Variants in HVCN1 observed in about 807,000 individuals in gnomAD.
The protein encoded by HVCN1 is voltage-gated hydrogen channel 1.
A neutral mutation model predicts 29.2 loss-of-function variants in HVCN1; 14 were observed. The observed-to-expected ratio is 0.48, with a 90% CI of 0.32 to 0.75. The LOEUF is 0.75. Among genes scored for constraint, HVCN1 ranks in the 30% least tolerant of loss-of-function variants. The pLI is 0.04. For synonymous variants in HVCN1, 131 were observed against 133.2 expected (o/e 0.98, Z 0.11); for missense variants, 263 against 341.8 (o/e 0.77, Z 1.82).
rs1346970311 is a variant in HVCN1, at chr12:110,648,856, ATGT to A, written c.*551_*553del. ...GTAGTTGTACAGTAATTGAGGAAAA[ATGT>A]TGTCAGGTGGCAGAAAACAATGGAG... is the stretch of plus-strand genomic sequence containing the variant. On this transcript the variant is annotated 3_prime_UTR_variant, in exon 8 of 8. Coordinates refer to ENST00000242607, the MANE Select transcript of HVCN1 (RefSeq NM_032369.4). 3.2e-5 allele frequency: 12 copies of A among 373,066 alleles called. No individual in the cohort carries two copies. The highest frequency in any genetic ancestry group is 2.4e-4 in the African/African-American group (11 of 46,460). 23.1% of individuals were successfully genotyped at this position (373,066 alleles called of 1,614,324 possible).
At chr12:110,673,831 C>A (rs2068659736) in intron 3 of HVCN1, among the ~76,000 whole-genome samples, 1 of 152,196 alleles carries the variant, frequency 6.6e-6, no homozygotes, top group Non-Finnish European at 1.5e-5. Flanking sequence ...AATGCCCAGC[C>A]AAAAGTTTGC....
At chr12:110,690,000 G>T (rs146938805), upstream of HVCN1, among the ~76,000 whole-genome samples, 339 of 152,300 alleles carry the variant, frequency 2.2e-3, 2 homozygotes, top group African/African-American at 7.7e-3. This position sits in a 1 kb window ranked among gnomAD's most constrained non-coding sequence, Gnocchi z 5.7. Flanking sequence ...TCCTCATGCC[G>T]CTGTTAACAG....
chr12:110,689,452 G>A (rs1049510622), upstream of HVCN1: 3 of 152,206 alleles, frequency 2.0e-5, no homozygotes, highest in Non-Finnish European at 4.4e-5. This position sits in a 1 kb window ranked among gnomAD's most constrained non-coding sequence, Gnocchi z 5.7. Context: ...GGTGGGCGGG[G>A]GAACCACTTC....
intron 4 of HVCN1, among the ~76,000 whole-genome samples, chr12:110,655,931 C>T (rs920044596): frequency 6.6e-6 from 1 of 152,152 alleles, no homozygotes; most frequent in African/African-American, 2.4e-5. Context: ...TCTCGAGCTC[C>T]TAACCCCAAG....
At chr12:110,697,791 A>G (rs2069516326) in intron 2 of HVCN1, among the ~76,000 whole-genome samples, 1 of 151,656 alleles carries the variant, frequency 6.6e-6, no homozygotes. Context: ...ACCTGGGATT[A>G]CAGGTGCACA....
upstream of HVCN1, chr12:110,689,322 C>T (rs1256504322): frequency 6.6e-6 from 1 of 152,538 alleles, no homozygotes; most frequent in Non-Finnish European, 1.5e-5. The surrounding 1 kb of genome is among the most constrained non-coding windows in gnomAD (Gnocchi z 5.7). Flanking sequence ...CTCCCTCACC[C>T]CGGCTGCCTC....
chr12:110,691,224 G>A (rs967241727), upstream of HVCN1, among the ~76,000 whole-genome samples: 4 of 151,876 alleles, frequency 2.6e-5, no homozygotes, highest in African/African-American at 4.8e-5. Flanking sequence ...CACCACGCTC[G>A]GTTAAATGTT....
chr12:110,666,053 G>T (rs1179156056), intron 3 of HVCN1, among the ~76,000 whole-genome samples: 1 of 151,412 alleles, frequency 6.6e-6, no homozygotes, highest in Non-Finnish European at 1.5e-5. Context: ...GGATATTTTA[G>T]AACTGAAAAG....
chr12:110,681,930 G>A (rs2068993310), intron 3 of HVCN1, among the ~76,000 whole-genome samples: 1 of 152,038 alleles, frequency 6.6e-6, no homozygotes, highest in African/African-American at 2.4e-5. Context: ...TACTCGAGAT[G>A]GCCATAAGGT....
At chr12:110,668,544 C>G (rs575067615) in intron 3 of HVCN1, among the ~76,000 whole-genome samples, 1 of 152,296 alleles carries the variant, frequency 6.6e-6, no homozygotes, top group South Asian at 2.1e-4. Context: ...TCTCCTCCAG[C>G]TTCATCACCA....
chr12:110,665,169 A>G (rs1298011127), intron 3 of HVCN1, among the ~76,000 whole-genome samples: 1 of 152,230 alleles, frequency 6.6e-6, no homozygotes, highest in Non-Finnish European at 1.5e-5. Context: ...TAAACTCAAC[A>G]TCATAGATGC....
At chr12:110,657,459 C>T (rs756264767) in intron 4 of HVCN1, among the ~76,000 whole-genome samples, 6 of 147,226 alleles carry the variant, frequency 4.1e-5, no homozygotes, top group Non-Finnish European at 8.9e-5. Context: ...CGCACCATTG[C>T]AGTCCAGCTT....
chr12:110,666,722 C>T (rs556522368), intron 3 of HVCN1, among the ~76,000 whole-genome samples: 2 of 152,240 alleles, frequency 1.3e-5, no homozygotes, highest in African/African-American at 2.4e-5. Context: ...CTCCCCAATC[C>T]GAGCTTCGCT....
chr12:110,663,805 C>G (rs2068258899), intron 3 of HVCN1, among the ~76,000 whole-genome samples: 1 of 152,060 alleles, frequency 6.6e-6, no homozygotes. Flanking sequence ...TCAAATGCTT[C>G]CTTCATTGGC....
rs375405521 is a variant in HVCN1 at position 110,688,549 on chromosome 12, C to T, written c.-20+76G>A. The stretch of plus-strand genomic sequence containing the variant: ...CGGGACATCCAGCACTGCCTCTGCC[C>T]CTGCTTCTCTCCTACAATCTCCCGG... On this transcript the variant is annotated intron_variant, in intron 2 of 7. Coordinates refer to ENST00000242607, the MANE Select transcript of HVCN1 (RefSeq NM_032369.4). 4.1e-4 allele frequency: 62 copies of T among 152,436 alleles called. 1 individual carries two copies. The highest frequency in any genetic ancestry group is 1.4e-3 in the African/African-American group (60 of 41,570). 9.4% of individuals were successfully genotyped at this position (152,436 alleles called of 1,614,324 possible). A position where few individuals can be genotyped will look rare whatever the true frequency, so the allele number is the denominator to read the frequency against.
rs148683009 is a variant in HVCN1, at chr12:110,677,247, C to T, written c.21+5978G>A. Among the ~76,000 whole-genome samples the T allele has an allele frequency of 4.9e-4, 75 of 152,108 alleles. No homozygotes were observed. The East Asian group carries it at 0.013, about 26-fold the overall frequency. ...ATCAATGCCTCCCAGAAGCCCACTC[C>T]TGTTTTGCACGCTCTATCTAGCCTC... On this transcript the variant is annotated intron_variant, in intron 3 of 7. Transcript: ENST00000242607.
chr12:110,695,371 T>TAC (rs59165683), intron 2 of HVCN1, among the ~76,000 whole-genome samples: 30,565 of 147,934 alleles, frequency 0.21, 3,278 homozygotes, highest in Admixed American at 0.28. Flanking sequence ...TTATTTTGTG[T>TAC]ACACACACAC....
chr12:110,661,326 T>C lies in HVCN1; in HGVS notation c.144A>G (p.Glu48=), dbSNP rs777361848. Residue 48 remains glutamate, a synonymous_variant, in exon 4 of 8, where the codon GAA becomes GAG. Transcript: ENST00000242607. This position sits in a 1 kb window ranked among gnomAD's most constrained non-coding sequence, Gnocchi z 6.2. ...WNINYKKWEN[E]EEEEEEEQPP... is the part of the protein sequence containing the mutation. Reference sequence around the variant, plus strand: ...GCTGCTCCTCCTCCTCCTCCTCCTCTTCATTCTCCCATTTCTTGTAGTTGA... The same window carrying C: ...GCTGCTCCTCCTCCTCCTCCTCCTCCTCATTCTCCCATTTCTTGTAGTTGA... 5 of 1,614,178 alleles carry C rather than the reference T, an allele frequency of 3.1e-6. No homozygotes were observed. In the South Asian group the frequency reaches 5.5e-5, roughly 18 times the overall value.
intron 3 of HVCN1, among the ~76,000 whole-genome samples, chr12:110,680,170 C>T (rs745383247): frequency 3.3e-5 from 5 of 152,192 alleles, no homozygotes; most frequent in South Asian, 2.1e-4. Flanking sequence ...TTGCCACAAG[C>T]GGTCCTGGCT....
Sources: allele counts gnomAD v4.1 joint callset (sites outside exome capture counted in the v4.1 genomes callset), GRCh38; gene constraint gnomAD v4.1.1; non-coding constraint Gnocchi (gnomAD v3.1); transcripts MANE v1.5; gene names NCBI Gene and HGNC (gene_info 2026-07-23, HGNC 2026-07-21).